Variants in UBAP1 observed in about 807,000 individuals in gnomAD.
UBAP1 encodes ubiquitin associated protein 1, also known as ubiquitin-associated protein 1.
In UBAP1, 5 loss-of-function variants were observed where a neutral mutation model predicts 39.0. The observed-to-expected ratio is 0.13, with a 90% confidence interval of 0.07 to 0.27. The LOEUF (loss-of-function observed/expected upper bound fraction) is 0.27, where lower values mean the gene tolerates loss of function less well. Ranked by LOEUF, UBAP1 falls within the 10% of genes least tolerant of loss-of-function variation. UBAP1 has a pLI of 1.00. For missense variants in UBAP1, 490 were observed against 608.1 expected (o/e 0.81, Z 2.04); for synonymous variants, 211 against 225.1 (o/e 0.94, Z 0.56).
chr9:34,196,970 C>A (rs1399914206), intron 1 of UBAP1, among the ~76,000 whole-genome samples: 1 of 150,634 alleles, frequency 6.6e-6, no homozygotes, highest in African/African-American at 2.4e-5. Context: ...CTCTGTAACC[C>A]AGGCTGGAGT....
chr9:34,251,482 G>A lies in UBAP1; in HGVS notation c.1459G>A (p.Asp487Asn), dbSNP rs754165521. 1.9e-6 allele frequency: 3 copies of A among 1,614,084 alleles called. No homozygotes were observed. The South Asian group carries it at 3.3e-5, about 18-fold the overall frequency. Reference sequence around the variant, plus strand: ...GGAAGTTTTGCTATTACACAACAATGACCAGGACAATGCTTTGGAAGACCT... The same window carrying A: ...GGAAGTTTTGCTATTACACAACAATAACCAGGACAATGCTTTGGAAGACCT... ...IKEVLLLHNN[D>N]QDNALEDLMA... Residue 487 changes from aspartate (D) to asparagine (N), a missense_variant, in exon 7 of 7, where the codon GAC (aspartate) becomes AAC (asparagine). Asp to Asn is a conservative substitution (Grantham distance 23). This residue lies in a region of UBAP1 where 339 missense variants were observed against 390.0 expected (regional missense o/e 0.87). Transcript: ENST00000297661.
At position 34,211,755 on chromosome 9, in the gene UBAP1, T is replaced by G. The variant is rs1832029936; in HGVS notation, c.-7-9153T>G. ...TTCCCATTCCTTAACCCATCTCTTC[T>G]TCTTTCATTCTGGCTCCTCCTTCTC... is the stretch of plus-strand genomic sequence containing the variant. On this transcript the variant is annotated intron_variant, in intron 1 of 6. Transcript: ENST00000297661. Among the ~76,000 whole-genome samples, 6 of 152,310 alleles carry G rather than the reference T, an allele frequency of 3.9e-5. No homozygotes were observed. In the South Asian group the frequency reaches 1.2e-3, roughly 32 times the overall value.
chr9:34,202,627 G>A (rs111356759), intron 1 of UBAP1, among the ~76,000 whole-genome samples: 1 of 51,954 alleles, frequency 1.9e-5, no homozygotes, highest in Non-Finnish European at 5.3e-5. Flanking sequence ...ACAGAAACGT[G>A]TGTGTGTGTG....
rs1047144877 is a variant in UBAP1, at chr9:34,180,924, C to T, written c.-8+1684C>T. On this transcript the variant is annotated intron_variant, in intron 1 of 6. Transcript: ENST00000297661. ...CTCCTGGGTTCAAGTGACTGTCCTG[C>T]CTCAGCCTCCCGAGTAGCTGAGATT... Among the ~76,000 whole-genome samples, 3 of 148,580 alleles carry T rather than the reference C, an allele frequency of 2.0e-5. No individual in the cohort carries two copies. In the Admixed American group the frequency reaches 2.0e-4, roughly 10 times the overall value.
At chr9:34,221,001 G>A (rs1324405594) in intron 2 of UBAP1, 53 bp downstream of exon 2, 2 of 1,535,754 alleles carry the variant, frequency 1.3e-6, no homozygotes, top group Non-Finnish European at 1.8e-6. Flanking sequence ...CAGAGGATTT[G>A]GAATCACTTA....
chr9:34,230,285 C>T (rs368704081), intron 2 of UBAP1, among the ~76,000 whole-genome samples: 41 of 152,140 alleles, frequency 2.7e-4, no homozygotes, highest in African/African-American at 9.2e-4. Context: ...AGGCTGGTCT[C>T]GAACTCCTGA....
At chr9:34,246,516 A>G (rs746177374) in intron 4 of UBAP1, among the ~76,000 whole-genome samples, 1 of 152,246 alleles carries the variant, frequency 6.6e-6, no homozygotes, top group South Asian at 2.1e-4. Context: ...TGTAAAGCCA[A>G]GAGTCAGGCC....
In UBAP1 at chr9:34,251,575, G is replaced by T; in HGVS notation, c.*43G>T. ...GCCCTGCCGCAGAACCACCATCCCT[G>T]GGAGGCCCTGCAGAGCCCACCTGTG... On this transcript the variant is annotated 3_prime_UTR_variant, in exon 7 of 7. Transcript: ENST00000297661. The T allele has an allele frequency of 8.1e-6, 13 of 1,603,006 alleles. No individual in the cohort carries two copies. Among genetic ancestry groups the T allele is most frequent in the Non-Finnish European group, 1.1e-5 (13 of 1,175,336 alleles).
intron 4 of UBAP1, 41 bp from the exon 5 acceptor site, chr9:34,249,738 G>A: frequency 6.3e-7 from 1 of 1,596,622 alleles, no homozygotes; most frequent in Non-Finnish European, 8.6e-7. Flanking sequence ...TTCTTTGGGG[G>A]CCCAGGTCTT....
chr9:34,218,249 T>A (rs976113189), intron 1 of UBAP1, among the ~76,000 whole-genome samples: 1 of 50,660 alleles, frequency 2.0e-5, no homozygotes, highest in Non-Finnish European at 3.3e-5. Context: ...AGACTCCATC[T>A]CAAAAAAAAA....
intron 2 of UBAP1, among the ~76,000 whole-genome samples, chr9:34,223,085 A>G (rs1039306053): frequency 1.3e-5 from 2 of 152,232 alleles, no homozygotes; most frequent in Non-Finnish European, 1.5e-5. Flanking sequence ...AGAGAAGATT[A>G]TAATTCTGAA....
In UBAP1 at chr9:34,250,764, G is replaced by GA; in HGVS notation, c.1368+7dup. ...CACCAGTGTTCAGAAGAAAAGGTGG[G>GA]AATCTTCATGTTTCTTGGGAACCCT... On this transcript the variant is annotated splice_donor_region_variant and intron_variant, in intron 6 of 6. Coordinates refer to ENST00000297661, the MANE Select transcript of UBAP1 (RefSeq NM_016525.5). 1 of 1,610,822 alleles carries GA rather than the reference G, an allele frequency of 6.2e-7. No homozygotes were observed.
intron 2 of UBAP1, among the ~76,000 whole-genome samples, chr9:34,228,417 CAAAAA>C (rs1182740329): frequency 1.8e-5 from 1 of 56,180 alleles, no homozygotes; most frequent in African/African-American, 6.3e-5. Flanking sequence ...GACTTCATCT[CAAAAA>C]AAAAAAAAAA....
intron 4 of UBAP1, among the ~76,000 whole-genome samples, chr9:34,242,365 C>G (rs974182536): frequency 1.3e-5 from 2 of 152,114 alleles, no homozygotes; most frequent in Non-Finnish European, 2.9e-5. Flanking sequence ...CCAGGCTGGT[C>G]TCAAACTCCT....
intron 1 of UBAP1, among the ~76,000 whole-genome samples, chr9:34,208,217 T>C (rs1175869607): frequency 2.0e-5 from 3 of 152,214 alleles, no homozygotes; most frequent in Non-Finnish European, 4.4e-5. Context: ...TTTTGGTTGT[T>C]ACTTTTTTTT....
intron 2 of UBAP1, among the ~76,000 whole-genome samples, chr9:34,227,658 G>T (rs2131594742): frequency 6.6e-6 from 1 of 152,312 alleles, no homozygotes; most frequent in African/African-American, 2.4e-5. Context: ...TTCCACCAAA[G>T]TGGTATGCAG....
At chr9:34,185,118 G>A (rs1275943656) in intron 1 of UBAP1, among the ~76,000 whole-genome samples, 4 of 151,296 alleles carry the variant, frequency 2.6e-5, no homozygotes, top group African/African-American at 9.7e-5. Flanking sequence ...ATTTTTAGTA[G>A]AGATGGTGTT....
Position 34,231,943 on chromosome 9 carries a change from T to C in UBAP1, c.35-2273T>C, listed in dbSNP as rs555697652. Among the ~76,000 whole-genome samples the C allele has an allele frequency of 1.1e-4, 17 of 152,264 alleles. No individual in the cohort carries two copies. The South Asian group carries it at 1.9e-3, about 17-fold the overall frequency. On this transcript the variant is annotated intron_variant, in intron 2 of 6. Coordinates refer to ENST00000297661, the MANE Select transcript of UBAP1 (RefSeq NM_016525.5). ...ACTGTGCCCGGCCGGGACACTCAAA[T>C]TCTTGCTCAGACTCTCTGAAGGGAG...
intron 1 of UBAP1, among the ~76,000 whole-genome samples, 185 bp from the exon 2 acceptor site, chr9:34,220,723 A>C (rs1832711978): frequency 6.6e-6 from 1 of 152,082 alleles, no homozygotes; most frequent in Non-Finnish European, 1.5e-5. Flanking sequence ...TCTGCCGCCC[A>C]AAGCACTGGG....
Sources: allele counts gnomAD v4.1 joint callset (sites outside exome capture counted in the v4.1 genomes callset), GRCh38; gene constraint gnomAD v4.1.1; regional missense constraint gnomAD v4.1.1; transcripts MANE v1.5; gene names NCBI Gene and HGNC (gene_info 2026-07-23, HGNC 2026-07-21).